CNGB3: variants seen among roughly 807,000 people sequenced by gnomAD.
CNGB3 encodes cyclic nucleotide-gated channel beta-3.
In CNGB3, 86 loss-of-function variants were observed where a neutral mutation model predicts 92.8. The ratio of observed to expected loss-of-function variants is 0.93; its 90% confidence interval spans 0.78 to 1.11. The LOEUF is 1.11. Among genes scored for constraint, CNGB3 ranks in the 50% least tolerant of loss-of-function variants. CNGB3 has a pLI of 0.00. For synonymous variants in CNGB3, 333 were observed against 332.7 expected, an observed-to-expected ratio of 1.00 and a Z score of -0.01; for missense variants, 1,026 against 956.8, an observed-to-expected ratio of 1.07 and a Z score of -0.95.
Position 86,626,059 on chromosome 8 carries a change from G to C in CNGB3, c.1502C>G (p.Thr501Ser). 6.2e-7 allele frequency: 1 copy of C among 1,613,318 alleles called. No homozygotes were observed. The highest frequency in any genetic ancestry group is 8.5e-7 in the Non-Finnish European group (1 of 1,179,488). Residue 501 changes from threonine (T) to serine (S), a missense_variant, in exon 13 of 18, where the codon ACC becomes AGC. Coordinates refer to ENST00000320005, the MANE Select transcript of CNGB3 (RefSeq NM_019098.5). ...RMLDESDLLK[T>S]LPTTVQLALA... is the part of the protein sequence containing the mutation. ...GGCTAACTGGACCGTAGTTGGTAGG[G>C]TCTTAAGCAAATCAGACTCATCTTT... is the stretch of plus-strand genomic sequence containing the variant.
intron 3 of CNGB3, among the ~76,000 whole-genome samples, chr8:86,715,381 A>G (rs1405949923): frequency 1.3e-5 from 2 of 152,116 alleles, no homozygotes; most frequent in Non-Finnish European, 2.9e-5. Context: ...CTCTTTTCAG[A>G]CACTCCCTAG....
chr8:86,670,896 C>A, intron 4 of CNGB3, 48 bp downstream of exon 4: 2 of 1,600,762 alleles, frequency 1.2e-6, no homozygotes, highest in South Asian at 2.2e-5. Flanking sequence ...AAACACAGGT[C>A]CCCTCAGCAC....
intron 3 of CNGB3, among the ~76,000 whole-genome samples, chr8:86,673,524 TGAG>T (rs1823907367): frequency 6.6e-6 from 1 of 152,134 alleles, no homozygotes; most frequent in Non-Finnish European, 1.5e-5. Context: ...TGTGATCTAT[TGAG>T]GAGTTTAGAC....
chr8:86,680,876 T>C lies in CNGB3; in HGVS notation c.339-9778A>G, dbSNP rs553930835. Among the ~76,000 whole-genome samples, 8 of 152,174 alleles carry C rather than the reference T, an allele frequency of 5.3e-5. No homozygotes were observed. In the South Asian group the frequency reaches 1.7e-3, roughly 32 times the overall value. On this transcript the variant is annotated intron_variant, in intron 3 of 17. Transcript: ENST00000320005. ...AATGGGGGACATTGTCTGTAGGAAG[T>C]TTAAAAGAACTCCTAAAACAACTAA...
At chr8:86,620,023 C>G (rs1348673356) in intron 13 of CNGB3, among the ~76,000 whole-genome samples, 1 of 152,088 alleles carries the variant, frequency 6.6e-6, no homozygotes, top group African/African-American at 2.4e-5. Flanking sequence ...ACTGGGCCAG[C>G]TTGACTTTGG....
At chr8:86,580,933 A>T (rs1015145092) in intron 15 of CNGB3, among the ~76,000 whole-genome samples, 9 of 152,218 alleles carry the variant, frequency 5.9e-5, no homozygotes, top group Non-Finnish European at 1.3e-4. Flanking sequence ...GACCTTTGGA[A>T]GCAATGAGAT....
intron 13 of CNGB3, among the ~76,000 whole-genome samples, chr8:86,616,061 C>T (rs900554098): frequency 6.6e-6 from 1 of 152,186 alleles, no homozygotes; most frequent in African/African-American, 2.4e-5. Context: ...AGGAGACAAG[C>T]CTGAACATAG....
Position 86,592,177 on chromosome 8 carries a change from C to T in CNGB3, c.1781+11916G>A, listed in dbSNP as rs142177758. 6.2e-3 allele frequency among the ~76,000 whole-genome samples: 945 copies of T among 152,338 alleles called. 8 individuals carry two copies. Among genetic ancestry groups the T allele is most frequent in the African/African-American group, 0.021 (891 of 41,582 alleles). On this transcript the variant is annotated intron_variant, in intron 15 of 17. Coordinates refer to ENST00000320005, the MANE Select transcript of CNGB3 (RefSeq NM_019098.5). ...AACCCCTTGCGCTTCCCGAGTGAGGCAATGCCTCGCCCTGCTTTGGCTCAC... is the reference window on the plus strand; with the variant it reads ...AACCCCTTGCGCTTCCCGAGTGAGGTAATGCCTCGCCCTGCTTTGGCTCAC...
At chr8:86,637,338 T>G (rs376478977) in intron 10 of CNGB3, among the ~76,000 whole-genome samples, 1 of 152,178 alleles carries the variant, frequency 6.6e-6, no homozygotes. Context: ...TTATGCCAGT[T>G]TCATACTGTT....
chr8:86,658,677 C>G (rs770937930), intron 6 of CNGB3: 2 of 373,052 alleles, frequency 5.4e-6, no homozygotes, highest in Non-Finnish European at 1.0e-5. Flanking sequence ...CTTCAGCTCA[C>G]CCAGCTTCTC....
chr8:86,661,430 TTA>T, intron 6 of CNGB3: 2 of 491,798 alleles, frequency 4.1e-6, no homozygotes, highest in Non-Finnish European at 7.9e-6. Context: ...CAGACCTGTT[TTA>T]TGTTTTATAA....
intron 15 of CNGB3, among the ~76,000 whole-genome samples, chr8:86,587,532 A>G (rs912936684): frequency 4.6e-5 from 7 of 152,248 alleles, no homozygotes; most frequent in African/African-American, 1.7e-4. Flanking sequence ...TAAGGAAGGG[A>G]TCCAGTTTCA....
chr8:86,678,773 G>T (rs1376712159), intron 3 of CNGB3, among the ~76,000 whole-genome samples: 1 of 152,052 alleles, frequency 6.6e-6, no homozygotes, highest in Non-Finnish European at 1.5e-5. Flanking sequence ...AAATTTCATA[G>T]ATTGTGAATT....
chr8:86,709,729 C>T (rs1824715191), intron 3 of CNGB3, among the ~76,000 whole-genome samples: 1 of 151,942 alleles, frequency 6.6e-6, no homozygotes, highest in Non-Finnish European at 1.5e-5. Flanking sequence ...TTACCTTTCA[C>T]ATAAAGGAAG....
chr8:86,666,853 T>A (rs1823748757), intron 6 of CNGB3, 72 bp downstream of exon 6: 2 of 1,185,714 alleles, frequency 1.7e-6, no homozygotes, highest in Admixed American at 3.4e-5. Flanking sequence ...AATAAAACAA[T>A]GCTGTTACTT....
intron 3 of CNGB3, among the ~76,000 whole-genome samples, chr8:86,720,813 CATATATAT>C (rs4024072): frequency 8.6e-4 from 115 of 134,450 alleles, no homozygotes; most frequent in South Asian, 5.9e-3. Context: ...TATTCCATGG[CATATATAT>C]ATATATATAT....
rs1432055604 is a variant in CNGB3, at chr8:86,593,974, C to T, written c.1781+10119G>A. ...AGGAAGCCTCCAGTGGGAGCGAGAA[C>T]TTGTTGAACATCATCACCTGGTACA... On this transcript the variant is annotated intron_variant, in intron 15 of 17. Coordinates refer to ENST00000320005, the MANE Select transcript of CNGB3 (RefSeq NM_019098.5). The T allele has an allele frequency of 3.8e-5, 18 of 475,112 alleles. No homozygotes were observed. The Middle Eastern group carries it at 1.8e-3, about 46-fold the overall frequency. The allele number at this position is 475,112 out of a possible 1,614,324, so 29.4% of individuals were successfully genotyped here. A position where few individuals can be genotyped will look rare whatever the true frequency, so the allele number is the denominator to read the frequency against.
intron 7 of CNGB3, among the ~76,000 whole-genome samples, chr8:86,648,442 G>T (rs756219143): frequency 6.0e-5 from 9 of 151,174 alleles, no homozygotes; most frequent in Non-Finnish European, 1.0e-4. Context: ...GCCTGTGCAG[G>T]CTGAGAGAGG....
chr8:86,659,990 G>T, intron 6 of CNGB3: 2 of 348,342 alleles, frequency 5.7e-6, no homozygotes, highest in South Asian at 2.5e-5. Context: ...CATGAGATTG[G>T]GACCAATGTC....
Sources: allele counts gnomAD v4.1 joint callset (sites outside exome capture counted in the v4.1 genomes callset), GRCh38; gene constraint gnomAD v4.1.1; transcripts MANE v1.5; gene names NCBI Gene and HGNC (gene_info 2026-07-23, HGNC 2026-07-21).